SLC25A12: variants seen among roughly 807,000 people sequenced by gnomAD.
The protein encoded by SLC25A12 is solute carrier family 25 member 12.
Under a neutral mutation model 83.3 loss-of-function variants are expected in SLC25A12, and 32 were observed. The ratio of observed to expected loss-of-function variants is 0.38; its 90% CI spans 0.29 to 0.52. The LOEUF (loss-of-function observed/expected upper bound fraction) is 0.52. SLC25A12 is among the 20% of genes least tolerant of loss of function. SLC25A12 has a pLI of 0.84. For synonymous variants in SLC25A12, 267 were observed against 291.1 expected (o/e 0.92, Z 0.84); for missense variants, 611 against 835.6 (o/e 0.73, Z 3.31).
At position 171,802,964 on chromosome 2, in the gene SLC25A12, AGTGT is replaced by A. The variant is rs3058855; in HGVS notation, c.1305+6638_1305+6641del. ...ACAAAACTTCCATCTGGTTTTAAAAAGTGTGTGTGTGTGTGTGTGTACACATGTG... is the reference window on the plus strand; with the variant it reads ...ACAAAACTTCCATCTGGTTTTAAAAAGTGTGTGTGTGTGTGTACACATGTG... On this transcript the variant is annotated intron_variant, in intron 13 of 17. Coordinates refer to ENST00000422440, the MANE Select transcript of SLC25A12 (RefSeq NM_003705.5). Among the ~76,000 whole-genome samples, 573 of 150,258 alleles carry A rather than the reference AGTGT, an allele frequency of 3.8e-3. 2 individuals carry two copies. Among genetic ancestry groups the A allele is most frequent in the Middle Eastern group, 0.014 (4 of 292 alleles).
chr2:171,785,225 A>C lies in SLC25A12; in HGVS notation c.*49T>G, dbSNP rs758213790. On this transcript the variant is annotated 3_prime_UTR_variant, in exon 18 of 18. Coordinates refer to ENST00000422440, the MANE Select transcript of SLC25A12 (RefSeq NM_003705.5). ...GGATACATTACAGGGCTGCTCTCCTAGGCCTCTTTCTTCAAGGCGCCATTT... is the reference window on the plus strand; with the variant it reads ...GGATACATTACAGGGCTGCTCTCCTCGGCCTCTTTCTTCAAGGCGCCATTT... 1.9e-6 allele frequency: 3 copies of C among 1,547,364 alleles called. No homozygotes were observed. Among genetic ancestry groups the C allele is most frequent in the Admixed American group, 1.7e-5 (1 of 59,834 alleles).
chr2:171,849,748 G>A (rs1282896117), intron 4 of SLC25A12, among the ~76,000 whole-genome samples: 2 of 152,108 alleles, frequency 1.3e-5, no homozygotes, highest in East Asian at 3.9e-4. Context: ...AGTAGAGACA[G>A]GGTTTCACCG....
intron 13 of SLC25A12, among the ~76,000 whole-genome samples, chr2:171,802,669 G>A (rs1011568327): frequency 5.3e-5 from 8 of 152,158 alleles, no homozygotes; most frequent in East Asian, 1.9e-4. Flanking sequence ...CCAACTACTC[G>A]GGAGGCTGAG....
intron 2 of SLC25A12, among the ~76,000 whole-genome samples, chr2:171,877,128 G>C (rs562607642): frequency 6.6e-6 from 1 of 152,320 alleles, no homozygotes; most frequent in Admixed American, 6.5e-5. Flanking sequence ...GATCTCATGA[G>C]ATTAGAATCC....
At chr2:171,877,042 T>C (rs1182798707) in intron 2 of SLC25A12, among the ~76,000 whole-genome samples, 2 of 152,210 alleles carry the variant, frequency 1.3e-5, no homozygotes, top group African/African-American at 4.8e-5. Flanking sequence ...TTTCCAGAAA[T>C]ATTTAAATTT....
chr2:171,793,614 TAA>T lies in SLC25A12; in HGVS notation c.1446+11_1446+12del, dbSNP rs1683534271. ...ATATTTTATTGAGTACATTATAACCTAAACCTACCCACCTTATACAGACCAAA... is the reference window on the plus strand; with the variant it reads ...ATATTTTATTGAGTACATTATAACCTACCTACCCACCTTATACAGACCAAA... On this transcript the variant is annotated intron_variant, in intron 14 of 17. Transcript: ENST00000422440. 2.5e-6 allele frequency: 4 copies of T among 1,613,746 alleles called. No individual in the cohort carries two copies.
chr2:171,855,026 A>G (rs1305305749), intron 4 of SLC25A12, among the ~76,000 whole-genome samples: 1 of 152,240 alleles, frequency 6.6e-6, no homozygotes, highest in Non-Finnish European at 1.5e-5. Flanking sequence ...TTAAGATAGT[A>G]GTAATTTTAT....
At chr2:171,874,707 G>A (rs565461963) in intron 2 of SLC25A12, among the ~76,000 whole-genome samples, 1 of 152,280 alleles carries the variant, frequency 6.6e-6, no homozygotes, top group East Asian at 1.9e-4. Context: ...CCATAAAAAA[G>A]ACTGGAATCA....
At chr2:171,819,137 T>C (rs1176392051) in intron 9 of SLC25A12, among the ~76,000 whole-genome samples, 1 of 138,246 alleles carries the variant, frequency 7.2e-6, no homozygotes, top group Admixed American at 7.9e-5. Context: ...ATACATATTA[T>C]ATATAAATAT....
intron 17 of SLC25A12, among the ~76,000 whole-genome samples, chr2:171,786,687 G>A (rs144393352): frequency 3.3e-5 from 5 of 152,272 alleles, no homozygotes; most frequent in Admixed American, 1.3e-4. Context: ...AATTCAACTT[G>A]TAATTCTTCT....
intron 11 of SLC25A12, among the ~76,000 whole-genome samples, chr2:171,812,078 G>A (rs1683957058): frequency 1.3e-5 from 2 of 152,164 alleles, no homozygotes; most frequent in African/African-American, 4.8e-5. Context: ...TGCTGTACAG[G>A]TGGAATTCAA....
chr2:171,831,730 C>T (rs186193922), intron 8 of SLC25A12, among the ~76,000 whole-genome samples: 8 of 152,026 alleles, frequency 5.3e-5, no homozygotes, highest in South Asian at 2.1e-4. Flanking sequence ...ACATGGCTGT[C>T]GCTACTAAAA....
chr2:171,840,141 A>G (rs1178098798), intron 5 of SLC25A12, among the ~76,000 whole-genome samples: 3 of 152,212 alleles, frequency 2.0e-5, no homozygotes, highest in African/African-American at 7.2e-5. Context: ...TCCAGATTGG[A>G]GACTAGACAA....
At chr2:171,793,834 A>G in intron 13 of SLC25A12, 67 bp from the exon 14 acceptor site, 2 of 1,561,948 alleles carry the variant, frequency 1.3e-6, no homozygotes, top group Non-Finnish European at 1.8e-6. Context: ...TAAAAAAGGA[A>G]AATCCAGCAA....
chr2:171,803,744 C>T (rs1260362906), intron 13 of SLC25A12, among the ~76,000 whole-genome samples: 1 of 152,044 alleles, frequency 6.6e-6, no homozygotes, highest in South Asian at 2.1e-4. Context: ...GATGTTCACA[C>T]CTGTGAACAG....
At chr2:171,885,010 G>A (rs1391349559) in intron 2 of SLC25A12, among the ~76,000 whole-genome samples, 6 of 151,980 alleles carry the variant, frequency 3.9e-5, no homozygotes, top group Non-Finnish European at 8.8e-5. Context: ...TCAGGAGACT[G>A]AGACCATCCT....
chr2:171,810,763 C>A (rs565225562), intron 11 of SLC25A12, among the ~76,000 whole-genome samples: 2 of 152,226 alleles, frequency 1.3e-5, no homozygotes, highest in South Asian at 4.1e-4. Context: ...ATACTAACTC[C>A]CATAATCTTC....
intron 3 of SLC25A12, among the ~76,000 whole-genome samples, chr2:171,861,058 T>C (rs1263234851): frequency 6.6e-6 from 1 of 151,798 alleles, no homozygotes; most frequent in Non-Finnish European, 1.5e-5. Context: ...CACCACTGCA[T>C]TCCAGCCTGG....
intron 3 of SLC25A12, among the ~76,000 whole-genome samples, chr2:171,864,639 G>T (rs771100283): frequency 6.6e-6 from 1 of 152,064 alleles, no homozygotes; most frequent in Admixed American, 6.6e-5. Flanking sequence ...GTTTCATGCC[G>T]TTCCTGTTCC....
Sources: allele counts gnomAD v4.1 joint callset (sites outside exome capture counted in the v4.1 genomes callset), GRCh38; gene constraint gnomAD v4.1.1; transcripts MANE v1.5; gene names NCBI Gene and HGNC (gene_info 2026-07-23, HGNC 2026-07-21).